Variants in DDX60 observed in about 807,000 individuals in gnomAD.
The protein encoded by DDX60 is DExD/H-box helicase 60.
DDX60 carries 165 observed loss-of-function variants against 212.8 expected under a neutral mutation model. The ratio of observed to expected loss-of-function variants is 0.78; its 90% CI spans 0.68 to 0.88. DDX60 has a LOEUF of 0.88. Ranked by LOEUF, DDX60 falls within the 40% of genes least tolerant of loss-of-function variation. DDX60 has a pLI of 0.00. For synonymous variants in DDX60, 703 were observed against 685.3 expected, an observed-to-expected ratio of 1.03 and a Z score of -0.40; for missense variants, 1,905 against 2,003.9, an observed-to-expected ratio of 0.95 and a Z score of 0.94.
At chr4:168,310,247 G>A (rs1245233251) in intron 3 of DDX60, among the ~76,000 whole-genome samples, 2 of 152,038 alleles carry the variant, frequency 1.3e-5, no homozygotes, top group Admixed American at 1.3e-4. Flanking sequence ...TTAGATCAGA[G>A]TGTCATAAGA....
At position 168,237,454 on chromosome 4, in the gene DDX60, T is replaced by C. The variant is rs746441003; in HGVS notation, c.4270-27A>G. On this transcript the variant is annotated intron_variant, in intron 31 of 37. Transcript: ENST00000393743. ...TAAAGAACAAAAAACAATTTATTAG[T>C]TTGACTCAAGTCACCACATAATAAG... is the stretch of plus-strand genomic sequence containing the variant. 3.3e-6 allele frequency: 5 copies of C among 1,535,096 alleles called. No homozygotes were observed. In the South Asian group the frequency reaches 5.3e-5, roughly 16 times the overall value.
At chr4:168,260,377 G>A (rs1342905588) in intron 25 of DDX60, among the ~76,000 whole-genome samples, 4 of 152,098 alleles carry the variant, frequency 2.6e-5, no homozygotes, top group African/African-American at 4.8e-5. Flanking sequence ...TAAACAAAAC[G>A]TATGTATTCA....
chr4:168,239,692 A>C (rs753838346), intron 30 of DDX60, among the ~76,000 whole-genome samples: 3 of 152,136 alleles, frequency 2.0e-5, no homozygotes, highest in Non-Finnish European at 4.4e-5. Flanking sequence ...GAGAAGAAAC[A>C]GCAAGAGCCA....
chr4:168,305,420 A>C (rs973099020), intron 5 of DDX60, among the ~76,000 whole-genome samples: 1 of 152,132 alleles, frequency 6.6e-6, no homozygotes, highest in Non-Finnish European at 1.5e-5. Flanking sequence ...GATTTTGATG[A>C]ATTAAAGAAT....
chr4:168,322,523 A>AT (rs1463661569), upstream of DDX60, among the ~76,000 whole-genome samples: 1 of 151,676 alleles, frequency 6.6e-6, no homozygotes, highest in Non-Finnish European at 1.5e-5. Context: ...ACTCTGCTGC[A>AT]TTTTTTCAGC....
At chr4:168,280,995 C>T (rs1297579427) in intron 13 of DDX60, among the ~76,000 whole-genome samples, 1 of 152,062 alleles carries the variant, frequency 6.6e-6, no homozygotes, top group African/African-American at 2.4e-5. Flanking sequence ...CAAAAATTAG[C>T]TGGGCATGGT....
intron 1 of DDX60, among the ~76,000 whole-genome samples, chr4:168,317,981 G>C (rs1202914133): frequency 6.6e-6 from 1 of 152,182 alleles, no homozygotes; most frequent in South Asian, 2.1e-4. Context: ...ATTTCAGCTC[G>C]ATGAGATGCT....
At chr4:168,255,402 T>C (rs551812056) in intron 26 of DDX60, among the ~76,000 whole-genome samples, 10 of 152,328 alleles carry the variant, frequency 6.6e-5, no homozygotes, top group Non-Finnish European at 1.2e-4. Context: ...CCAGAGTTCA[T>C]ATATGTATCA....
intron 1 of DDX60, among the ~76,000 whole-genome samples, chr4:168,314,226 A>C (rs1012862941): frequency 1.3e-5 from 2 of 152,062 alleles, no homozygotes; most frequent in African/African-American, 4.8e-5. Flanking sequence ...CCTAACACCT[A>C]AACAGAATTC....
intron 14 of DDX60, 59 bp downstream of exon 14, chr4:168,280,273 TATC>T: frequency 6.5e-7 from 1 of 1,535,056 alleles, no homozygotes; most frequent in Non-Finnish European, 8.8e-7. Context: ...AAATGGCAAC[TATC>T]ATCATTACAT....
intron 3 of DDX60, among the ~76,000 whole-genome samples, chr4:168,309,832 A>C (rs759628794): frequency 5.3e-5 from 8 of 152,122 alleles, no homozygotes; most frequent in Admixed American, 3.9e-4. Flanking sequence ...AAAAAGTCAC[A>C]AATAATATTT....
At chr4:168,260,314 TC>T (rs1734574781) in intron 25 of DDX60, among the ~76,000 whole-genome samples, 1 of 152,274 alleles carries the variant, frequency 6.6e-6, no homozygotes, top group Admixed American at 6.5e-5. Flanking sequence ...CCTTCCTGTG[TC>T]CAAGTGTTCT....
rs141102072 is a variant in DDX60 at position 168,273,866 on chromosome 4, C to T, written c.2454+68G>A. 6.2e-5 allele frequency: 95 copies of T among 1,525,192 alleles called. 1 individual carries two copies. In the African/African-American group the frequency reaches 1.1e-3, roughly 17 times the overall value. The allele number at this position is 1,525,192 out of a possible 1,614,324, so 94.5% of individuals were successfully genotyped here. ...AAAGTGAACTAGATCTACCATGTGA[C>T]CATGTTCATTATTTTTAAATAGTAG... On this transcript the variant is annotated intron_variant, in intron 17 of 37. Transcript: ENST00000393743.
intron 1 of DDX60, among the ~76,000 whole-genome samples, chr4:168,316,729 T>C (rs1028063434): frequency 6.6e-6 from 1 of 151,652 alleles, no homozygotes; most frequent in African/African-American, 2.4e-5. Context: ...TTTTAAACGA[T>C]AGCACAACAA....
chr4:168,316,032 T>G (rs1166903163), intron 1 of DDX60, among the ~76,000 whole-genome samples: 1 of 152,198 alleles, frequency 6.6e-6, no homozygotes, highest in Non-Finnish European at 1.5e-5. Flanking sequence ...CTATATATCT[T>G]AAATGATAAT....
intron 5 of DDX60, among the ~76,000 whole-genome samples, chr4:168,305,132 C>T (rs542243940): frequency 4.6e-5 from 7 of 152,192 alleles, no homozygotes; most frequent in Non-Finnish European, 1.0e-4. Flanking sequence ...CAGTAACATG[C>T]TGTATAGGTT....
chr4:168,311,985 A>C (rs929218597), intron 1 of DDX60, among the ~76,000 whole-genome samples: 3 of 152,182 alleles, frequency 2.0e-5, no homozygotes, highest in African/African-American at 7.2e-5. Context: ...GAGCAGAAAG[A>C]AAGTTACTGT....
At chr4:168,238,242 A>G (rs1207757182) in intron 30 of DDX60, among the ~76,000 whole-genome samples, 9 of 149,756 alleles carry the variant, frequency 6.0e-5, no homozygotes, top group Non-Finnish European at 8.9e-5. Flanking sequence ...ATTCCAAAAA[A>G]AAAAAAAAAA....
intron 6 of DDX60, among the ~76,000 whole-genome samples, chr4:168,297,373 A>AGAAG (rs1175641898): frequency 1.8e-5 from 1 of 56,306 alleles, no homozygotes; most frequent in African/African-American, 1.2e-4. Flanking sequence ...AAAGAAAGAA[A>AGAAG]GAAAGAAAGA....
Sources: allele counts gnomAD v4.1 joint callset (sites outside exome capture counted in the v4.1 genomes callset), GRCh38; gene constraint gnomAD v4.1.1; transcripts MANE v1.5; gene names NCBI Gene and HGNC (gene_info 2026-07-23, HGNC 2026-07-21).